Variants in SHB observed in about 807,000 individuals in gnomAD.
SHB encodes SH2 domain-containing adapter protein B.
A neutral mutation model predicts 52.3 loss-of-function variants in SHB; 20 were observed. The observed-to-expected ratio is 0.38, with a 90% confidence interval of 0.27 to 0.56. SHB has a LOEUF of 0.56. SHB is among the 20% of genes least tolerant of loss of function. SHB has a pLI of 0.71. For synonymous variants in SHB, 397 were observed against 316.5 expected, an observed-to-expected ratio of 1.25 and a Z score of -2.70; for missense variants, 825 against 723.3, an observed-to-expected ratio of 1.14 and a Z score of -1.61.
chr9:37,980,936 G>A lies in SHB; in HGVS notation c.839-6099C>T, dbSNP rs146821733. Among the ~76,000 whole-genome samples the A allele has an allele frequency of 6.5e-3, 993 of 152,252 alleles. 6 individuals carry two copies. Among genetic ancestry groups the A allele is most frequent in the Non-Finnish European group, 0.012 (784 of 68,034 alleles). On this transcript the variant is annotated intron_variant, in intron 2 of 5. Transcript: ENST00000377707. The stretch of plus-strand genomic sequence containing the variant: ...CTCAAAAGTGGGCTTAAAATATTCA[G>A]TAAACCATGCTGTAAACAGAGGAAC...
chr9:38,008,908 C>G (rs77723052), intron 2 of SHB, among the ~76,000 whole-genome samples: 1,982 of 152,260 alleles, frequency 0.013, 41 homozygotes, highest in African/African-American at 0.045. Flanking sequence ...TGTGGACATC[C>G]TGGGAGCAGA....
chr9:38,011,645 A>G (rs1190842937), intron 2 of SHB, among the ~76,000 whole-genome samples: 2 of 151,488 alleles, frequency 1.3e-5, no homozygotes, highest in Non-Finnish European at 2.9e-5. Context: ...CTGAGACTCA[A>G]CTCCCTTTCA....
intron 1 of SHB, among the ~76,000 whole-genome samples, chr9:38,048,537 G>A (rs563488559): frequency 1.3e-5 from 2 of 152,292 alleles, no homozygotes; most frequent in South Asian, 4.1e-4. Context: ...GGGAGGCTGA[G>A]TCTGGAGGAT....
intron 5 of SHB, among the ~76,000 whole-genome samples, chr9:37,931,963 T>G (rs1287343469): frequency 6.6e-6 from 1 of 151,370 alleles, no homozygotes; most frequent in Admixed American, 6.6e-5. Flanking sequence ...TTAGGGGCAG[T>G]GAAATAAGCC....
At chr9:37,969,148 A>G (rs1034366837) in intron 3 of SHB, among the ~76,000 whole-genome samples, 2 of 152,180 alleles carry the variant, frequency 1.3e-5, no homozygotes, top group Non-Finnish European at 2.9e-5. Context: ...AGGGCATGCG[A>G]TACCTCTTGA....
At chr9:37,993,847 G>A (rs1157951119) in intron 2 of SHB, among the ~76,000 whole-genome samples, 1 of 152,152 alleles carries the variant, frequency 6.6e-6, no homozygotes, top group African/African-American at 2.4e-5. Context: ...GGAAGCTGAC[G>A]ATACAGAACT....
intron 1 of SHB, among the ~76,000 whole-genome samples, chr9:38,046,278 C>T (rs1481225698): frequency 6.6e-6 from 1 of 152,160 alleles, no homozygotes; most frequent in African/African-American, 2.4e-5. Context: ...GCCAGGCCTG[C>T]TCATTTATAT....
intron 2 of SHB, among the ~76,000 whole-genome samples, chr9:37,987,223 T>C (rs902131783): frequency 2.6e-5 from 4 of 152,162 alleles, no homozygotes; most frequent in African/African-American, 9.7e-5. Flanking sequence ...AAAAACTCAA[T>C]TGTCAATAGT....
intron 2 of SHB, among the ~76,000 whole-genome samples, chr9:37,997,216 T>C (rs1245189374): frequency 6.6e-6 from 1 of 152,146 alleles, no homozygotes; most frequent in Non-Finnish European, 1.5e-5. Context: ...ACAGGCTGTA[T>C]CTCCATTTGC....
At position 37,993,461 on chromosome 9, in the gene SHB, C is replaced by T. The variant is rs376299643; in HGVS notation, c.839-18624G>A. On this transcript the variant is annotated intron_variant, in intron 2 of 5. Coordinates refer to ENST00000377707, the MANE Select transcript of SHB (RefSeq NM_003028.3). ...CATTAGGAGATATACCTAATGTAAACGATGGGTTAATGGGTGCAGCACACC... is the reference window on the plus strand; with the variant it reads ...CATTAGGAGATATACCTAATGTAAATGATGGGTTAATGGGTGCAGCACACC... Among the ~76,000 whole-genome samples the T allele has an allele frequency of 3.9e-5, 6 of 152,078 alleles. No individual in the cohort carries two copies. The South Asian group carries it at 1.2e-3, about 31-fold the overall frequency.
chr9:37,987,857 C>T (rs1223381439), intron 2 of SHB, among the ~76,000 whole-genome samples: 3 of 152,100 alleles, frequency 2.0e-5, no homozygotes, highest in Non-Finnish European at 4.4e-5. Context: ...TTAGTGATTA[C>T]AAACTGGTAG....
Position 38,054,837 on chromosome 9 carries a change from A to G in SHB, c.717+13092T>C, listed in dbSNP as rs143480457. On this transcript the variant is annotated intron_variant, in intron 1 of 5. Transcript: ENST00000377707. Reference sequence around the variant, plus strand: ...AAGCTAGAGTAAACATTTAAAATAAAAAAAAAGTCAACCCCAGCTGTGCAA... The same window carrying G: ...AAGCTAGAGTAAACATTTAAAATAAGAAAAAAGTCAACCCCAGCTGTGCAA... 6.6e-3 allele frequency among the ~76,000 whole-genome samples: 1,008 copies of G among 152,262 alleles called. 9 individuals are homozygous for G. Among genetic ancestry groups the G allele is most frequent in the Admixed American group, 0.013 (203 of 15,302 alleles).
At chr9:37,934,118 T>A (rs1832342505) in intron 5 of SHB, among the ~76,000 whole-genome samples, 1 of 152,178 alleles carries the variant, frequency 6.6e-6, no homozygotes. Flanking sequence ...ACTCCATCAT[T>A]AACACAGACA....
At chr9:38,064,456 CA>C (rs1285264996) in intron 1 of SHB, among the ~76,000 whole-genome samples, 1 of 152,182 alleles carries the variant, frequency 6.6e-6, no homozygotes, top group Non-Finnish European at 1.5e-5. Context: ...CACATACACA[CA>C]CGTCTATGTT....
intron 2 of SHB, among the ~76,000 whole-genome samples, chr9:37,990,528 A>C (rs924464691): frequency 6.6e-6 from 1 of 152,138 alleles, no homozygotes; most frequent in Middle Eastern, 3.2e-3. Flanking sequence ...TAGCACAGAA[A>C]ACAAATGTTT....
chr9:38,010,513 A>G (rs1821126504), intron 2 of SHB, among the ~76,000 whole-genome samples: 1 of 152,176 alleles, frequency 6.6e-6, no homozygotes, highest in Non-Finnish European at 1.5e-5. Flanking sequence ...CTCTCTAGCA[A>G]CAAGGGCCCA....
intron 1 of SHB, among the ~76,000 whole-genome samples, chr9:38,063,745 T>C (rs1275266153): frequency 6.6e-6 from 1 of 151,920 alleles, no homozygotes; most frequent in East Asian, 1.9e-4. Flanking sequence ...CACTTACTTC[T>C]CTCTGAATTC....
At chr9:37,931,725 C>T (rs138501015) in intron 5 of SHB, among the ~76,000 whole-genome samples, 5 of 152,286 alleles carry the variant, frequency 3.3e-5, no homozygotes, top group Non-Finnish European at 4.4e-5. Flanking sequence ...TATGACCTAG[C>T]GATCCCTTTT....
chr9:38,014,961 G>C (rs1322444654), intron 2 of SHB, among the ~76,000 whole-genome samples: 1 of 152,160 alleles, frequency 6.6e-6, no homozygotes, highest in Non-Finnish European at 1.5e-5. Flanking sequence ...TCAAAGACAG[G>C]AATGCAAAAA....
Sources: allele counts gnomAD v4.1 joint callset (sites outside exome capture counted in the v4.1 genomes callset), GRCh38; gene constraint gnomAD v4.1.1; transcripts MANE v1.5; gene names NCBI Gene and HGNC (gene_info 2026-07-23, HGNC 2026-07-21).